G2E3: variants seen among roughly 807,000 people sequenced by gnomAD.
G2E3 encodes the protein G2/M phase-specific E3 ubiquitin-protein ligase.
A neutral mutation model predicts 92.8 loss-of-function variants in G2E3; 35 were observed. The ratio of observed to expected loss-of-function variants is 0.38; its 90% CI spans 0.29 to 0.50. G2E3 has a LOEUF of 0.50. Among genes scored for constraint, G2E3 ranks in the 20% least tolerant of loss-of-function variants. G2E3 has a pLI of 0.94. For synonymous variants in G2E3, 242 were observed against 272.4 expected (o/e 0.89, Z 1.10); for missense variants, 554 against 823.8 (o/e 0.67, Z 4.01).
intron 6 of G2E3, among the ~76,000 whole-genome samples, chr14:30,594,804 A>G (rs1441100364): frequency 1.3e-5 from 2 of 150,096 alleles, no homozygotes; most frequent in African/African-American, 4.9e-5. Flanking sequence ...ATGGACCTTG[A>G]ACTTTTATAC....
chr14:30,605,714 G>A lies in G2E3; in HGVS notation c.1220G>A (p.Gly407Glu). The change falls in exon 11 of 15, where the codon GGA becomes GAA. Residue 407 changes from glycine to glutamate, a missense_variant. Coordinates refer to ENST00000206595, the MANE Select transcript of G2E3 (RefSeq NM_017769.5). ...GATAATTTTGGAAGTGAGCATCCTG[G>A]ATCAAAGCAAGAATTTCTGAGTCTC... is the stretch of plus-strand genomic sequence containing the variant. ...ENDNFGSEHP[G>E]SKQEFLSLLM... 1 of 1,607,860 alleles carries A rather than the reference G, an allele frequency of 6.2e-7. No individual in the cohort carries two copies. The highest frequency in any genetic ancestry group is 8.5e-7 in the Non-Finnish European group (1 of 1,175,380).
In G2E3 at chr14:30,560,988, G is replaced by A. The variant is rs1188965607; in HGVS notation, c.-5+1716G>A. 10 of 595,402 alleles carry A rather than the reference G, an allele frequency of 1.7e-5. No homozygotes were observed. In the East Asian group the frequency reaches 2.8e-4, roughly 17 times the overall value. The allele number at this position is 595,402 out of a possible 1,614,324, so 36.9% of individuals were successfully genotyped here. A position where few individuals can be genotyped will look rare whatever the true frequency, so the allele number is the denominator to read the frequency against. On this transcript the variant is annotated intron_variant, in intron 1 of 14. Coordinates refer to ENST00000206595, the MANE Select transcript of G2E3 (RefSeq NM_017769.5). ...CCACTTGATAGCTAGGTGACCCTGG[G>A]CAAGCTGTTTAACCTCTCTGCTTCA...
chr14:30,616,615 C>G lies in G2E3; in HGVS notation c.*81C>G. The G allele has an allele frequency of 2.0e-6, 2 of 1,003,608 alleles. No individual in the cohort carries two copies. Among genetic ancestry groups the G allele is most frequent in the East Asian group, 2.4e-5 (1 of 40,830 alleles). 62.2% of individuals were successfully genotyped at this position (1,003,608 alleles called of 1,614,324 possible). ...TTTATTTCACTAACCTTTTCATCAT[C>G]ACTTTGAACAAACTAGTTAGCTTCT... On this transcript the variant is annotated 3_prime_UTR_variant, in exon 15 of 15. Transcript: ENST00000206595.
At position 30,617,930 on chromosome 14, in the gene G2E3, A is replaced by AGTAAATCATTATGATAC. The variant is rs2308298; in HGVS notation, c.*1409_*1410insATACGTAAATCATTATG. The AGTAAATCATTATGATAC allele has an allele frequency of 6.6e-6, 1 of 151,412 alleles. No homozygotes were observed. The highest frequency in any genetic ancestry group is 1.5e-5 in the Non-Finnish European group (1 of 67,728). The allele number at this position is 151,412 out of a possible 1,614,324, so 9.4% of individuals were successfully genotyped here. On this transcript the variant is annotated 3_prime_UTR_variant, in exon 15 of 15. Coordinates refer to ENST00000206595, the MANE Select transcript of G2E3 (RefSeq NM_017769.5). ...ATATAATGGTTCAGTTTTCCATGAAAGTAAATCATTATGGGAAGTAAAATG... is the reference window on the plus strand; with the variant it reads ...ATATAATGGTTCAGTTTTCCATGAAAGTAAATCATTATGATACGTAAATCATTATGGGAAGTAAAATG...
intron 6 of G2E3, among the ~76,000 whole-genome samples, chr14:30,594,505 C>A (rs926857030): frequency 1.3e-5 from 2 of 151,064 alleles, no homozygotes; most frequent in South Asian, 4.2e-4. Flanking sequence ...CTGGCTAACA[C>A]GGTGAAACCC....
chr14:30,599,562 A>G (rs1881463379), intron 8 of G2E3, among the ~76,000 whole-genome samples: 1 of 152,156 alleles, frequency 6.6e-6, no homozygotes, highest in South Asian at 2.1e-4. Flanking sequence ...CTCCATATAT[A>G]GTCACCTTCT....
chr14:30,601,840 T>C lies in G2E3; in HGVS notation c.823T>C (p.Ser275Pro). ...GTHLACSSLRSWEQNWECLEC... is the reference protein window; with the variant it reads ...GTHLACSSLRPWEQNWECLEC... ...ACATTTAGCCTGCTCCTCATTACGG[T>C]CATGGGAGCAAAATTGGGAGTGTTT... The change falls in exon 9 of 15, where the codon TCA becomes CCA. Residue 275 changes from serine (S) to proline (P), a missense_variant. Ser to Pro is a moderately conservative substitution (Grantham distance 74). Coordinates refer to ENST00000206595, the MANE Select transcript of G2E3 (RefSeq NM_017769.5). 6.2e-7 allele frequency: 1 copy of C among 1,613,114 alleles called. No homozygotes were observed. Among genetic ancestry groups the C allele is most frequent in the Non-Finnish European group, 8.5e-7 (1 of 1,179,076 alleles).
chr14:30,585,383 A>C (rs1013358133), intron 2 of G2E3, among the ~76,000 whole-genome samples: 4 of 152,172 alleles, frequency 2.6e-5, no homozygotes, highest in Non-Finnish European at 5.9e-5. Flanking sequence ...GTAAGGAGCT[A>C]ATTGTCCCAG....
chr14:30,584,012 C>T (rs553264092), intron 2 of G2E3, among the ~76,000 whole-genome samples: 2 of 152,270 alleles, frequency 1.3e-5, no homozygotes, highest in African/African-American at 4.8e-5. Context: ...ATTAAGTAGT[C>T]ACCCCTCATT....
intron 13 of G2E3, among the ~76,000 whole-genome samples, chr14:30,613,159 A>G (rs1294156302): frequency 6.6e-6 from 1 of 152,168 alleles, no homozygotes. Context: ...ATTTTTTTAA[A>G]CAATGGAAAT....
At chr14:30,595,681 A>G (rs182291003) in intron 6 of G2E3, among the ~76,000 whole-genome samples, 1 of 152,134 alleles carries the variant, frequency 6.6e-6, no homozygotes, top group East Asian at 1.9e-4. Context: ...TTCTTGAGTC[A>G]CTCTCTCTAA....
rs749078341 is a variant in G2E3 at position 30,592,356 on chromosome 14, A to G, written c.271A>G (p.Ile91Val). 2.1e-5 allele frequency: 34 copies of G among 1,611,596 alleles called. No homozygotes were observed. The highest frequency in any genetic ancestry group is 5.3e-5 in the African/African-American group (4 of 74,822). ...CCVCKKNGAS[I>V]GCVAPRCKRS... ...TGTTTGCAAGAAAAATGGTGCTTCAATTGGATGTGTTGCACCCCGATGTAA... is the reference window on the plus strand; with the variant it reads ...TGTTTGCAAGAAAAATGGTGCTTCAGTTGGATGTGTTGCACCCCGATGTAA... The change falls in exon 5 of 15, where the codon ATT becomes GTT. Residue 91 changes from isoleucine to valine, a missense_variant. By Grantham distance (29) the Ile-to-Val change is conservative. This residue lies in a region of G2E3 where 137 missense variants were observed against 201.3 expected (regional missense o/e 0.68). Transcript: ENST00000206595.
intron 3 of G2E3, among the ~76,000 whole-genome samples, chr14:30,589,164 A>G (rs1272180803): frequency 6.6e-6 from 1 of 151,944 alleles, no homozygotes; most frequent in Non-Finnish European, 1.5e-5. Flanking sequence ...TTTAGAAACT[A>G]ATTAGGATAT....
chr14:30,563,692 CTT>C (rs750119984), intron 1 of G2E3, among the ~76,000 whole-genome samples: 96 of 113,064 alleles, frequency 8.5e-4, no homozygotes, highest in African/African-American at 3.2e-3. Flanking sequence ...AACTTTGTTA[CTT>C]TTGTGTGTGT....
intron 11 of G2E3, 102 bp downstream of exon 11, chr14:30,605,914 T>C (rs1303865068): frequency 3.6e-6 from 2 of 557,024 alleles, no homozygotes; most frequent in Non-Finnish European, 6.1e-6. Flanking sequence ...GCTCTAAATA[T>C]ACTGTTCACT....
At chr14:30,560,252 G>A (rs1404535765) in intron 1 of G2E3, 1 of 152,600 alleles carries the variant, frequency 6.6e-6, no homozygotes, top group African/African-American at 2.4e-5. Flanking sequence ...ATGTGTACAA[G>A]TTTTACATCT....
intron 6 of G2E3, among the ~76,000 whole-genome samples, chr14:30,596,182 G>A (rs1212674724): frequency 1.3e-5 from 2 of 151,354 alleles, no homozygotes; most frequent in Non-Finnish European, 2.9e-5. Context: ...CTAATTGTCT[G>A]AACCTGGAAT....
rs1281560524 is a variant in G2E3, at chr14:30,605,575, A to C, written c.1081A>C (p.Thr361Pro). The C allele has an allele frequency of 6.6e-7, 1 of 1,510,120 alleles. No individual in the cohort carries two copies. The highest frequency in any genetic ancestry group is 9.1e-7 in the Non-Finnish European group (1 of 1,101,320). 93.5% of individuals were successfully genotyped at this position (1,510,120 alleles called of 1,614,324 possible). A position where few individuals can be genotyped will look rare whatever the true frequency, so the allele number is the denominator to read the frequency against. ...IELGFQIKKK[T>P]KRLYINKANI... ...GTTAGGATTCCAAATTAAAAAAAAA[A>C]CTAAAAGATTGTATATCAACAAAGC... The change falls in exon 11 of 15, where the codon ACT (threonine) becomes CCT (proline). Residue 361 changes from threonine (T) to proline (P), a missense_variant. By Grantham distance (38) the Thr-to-Pro change is conservative. Coordinates refer to ENST00000206595, the MANE Select transcript of G2E3 (RefSeq NM_017769.5).
rs369270598 is a variant in G2E3 at position 30,592,463 on chromosome 14, G to A, written c.362+16G>A. 6.5e-6 allele frequency: 10 copies of A among 1,543,642 alleles called. No individual in the cohort carries two copies. The African/African-American group carries it at 8.3e-5, about 13-fold the overall frequency. ...GCAATTTTGCGTGAGTTATTTAACTGTTAAATATGAAAGTTCAGTGTTAAA... is the reference window on the plus strand; with the variant it reads ...GCAATTTTGCGTGAGTTATTTAACTATTAAATATGAAAGTTCAGTGTTAAA... On this transcript the variant is annotated intron_variant, in intron 5 of 14. Coordinates refer to ENST00000206595, the MANE Select transcript of G2E3 (RefSeq NM_017769.5).
Sources: gnomAD v4.1 joint callset for allele counts (sites outside exome capture counted in the v4.1 genomes callset) on GRCh38, gnomAD v4.1.1 for gene constraint, gnomAD v4.1.1 regional missense constraint, MANE v1.5 for transcripts, NCBI Gene and HGNC (gene_info 2026-07-23, HGNC 2026-07-21) for gene names.